Variants in KIR2DL3 observed in about 807,000 individuals in gnomAD.
KIR2DL3 encodes the protein killer cell immunoglobulin-like receptor 2DL3.
In KIR2DL3, 39 loss-of-function variants were observed where a neutral mutation model predicts 33.8. That is an observed-to-expected ratio of 1.15 (90% confidence interval 0.89 to 1.51). KIR2DL3 has a LOEUF of 1.51. Among genes scored for constraint, KIR2DL3 ranks in the 40% most tolerant of loss-of-function variants. The pLI is 0.00. For synonymous variants in KIR2DL3, 174 were observed against 160.2 expected, an observed-to-expected ratio of 1.09 and a Z score of -0.65; for missense variants, 462 against 426.2, an observed-to-expected ratio of 1.08 and a Z score of -0.74.
intron 2 of KIR2DL3, among the ~76,000 whole-genome samples, chr19:54,741,261 A>G (rs1240600418): frequency 6.6e-6 from 1 of 151,220 alleles, no homozygotes; most frequent in Non-Finnish European, 1.5e-5. Flanking sequence ...AATCACTTGA[A>G]CCCAGGAGAC....
intron 5 of KIR2DL3, among the ~76,000 whole-genome samples, chr19:54,750,598 G>A (rs1275193775): frequency 1.5e-5 from 2 of 136,644 alleles, no homozygotes; most frequent in East Asian, 2.0e-4. Context: ...AAGCACATTC[G>A]CTGTGTATCA....
At position 54,742,222 on chromosome 19, in the gene KIR2DL3, A is replaced by C. The variant is rs766131814; in HGVS notation, c.313A>C (p.Thr105Pro). ...GACCTACAGATGCTACGGTTCTGTT[A>C]CTCACTCCCCCTATCAGTTGTCAGC... ...AGTYRCYGSV[T>P]HSPYQLSAPS... Residue 105 changes from threonine (T) to proline (P), a missense_variant, in exon 3 of 8, where the codon ACT (threonine) becomes CCT (proline). Thr to Pro is a conservative substitution (Grantham distance 38). Transcript: ENST00000342376. 2.6e-5 allele frequency: 42 copies of C among 1,613,850 alleles called. No individual in the cohort carries two copies. Among genetic ancestry groups the C allele is most frequent in the East Asian group, 6.7e-5 (3 of 44,882 alleles).
intron 3 of KIR2DL3, among the ~76,000 whole-genome samples, chr19:54,742,790 C>T (rs1353022572): frequency 2.1e-4 from 32 of 150,862 alleles, no homozygotes; most frequent in African/African-American, 5.4e-4. Flanking sequence ...GAACACCAAC[C>T]CCTGTATGCT....
intron 2 of KIR2DL3, among the ~76,000 whole-genome samples, chr19:54,740,648 G>C (rs1375042753): frequency 6.6e-6 from 1 of 151,966 alleles, no homozygotes; most frequent in South Asian, 2.1e-4. Context: ...CGCAGGCCCT[G>C]ACTGTATTTG....
chr19:54,738,894 G>A (rs2070349779), intron 1 of KIR2DL3, among the ~76,000 whole-genome samples: 1 of 148,610 alleles, frequency 6.7e-6, no homozygotes, highest in African/African-American at 2.5e-5. Context: ...GCCTGGAGTG[G>A]AGATATGGGC....
intron 4 of KIR2DL3, among the ~76,000 whole-genome samples, chr19:54,744,954 ATTT>A (rs71195797): frequency 0.026 from 809 of 30,892 alleles, 10 homozygotes; most frequent in African/African-American, 0.067. Context: ...ATATATATAT[ATTT>A]TTTTTTTTTT....
In KIR2DL3 at chr19:54,742,051, C is replaced by A. The variant is rs143355664; in HGVS notation, c.142C>A (p.Gln48Lys). The A allele has an allele frequency of 1.9e-4, 310 of 1,612,988 alleles. 1 individual carries two copies. The highest frequency in any genetic ancestry group is 2.4e-4 in the Non-Finnish European group (279 of 1,179,424). The change falls in exon 3 of 8, where the codon CAA (glutamine) becomes AAA (lysine). Residue 48 changes from glutamine (Q) to lysine (K), a missense_variant. By Grantham distance (53) the Gln-to-Lys change is moderately conservative. Coordinates refer to ENST00000342376, the MANE Select transcript of KIR2DL3 (RefSeq NM_015868.3). ...LVKSEETVIL[Q>K]CWSDVRFQHF... ...GAAATCAGAAGAGACAGTCATCCTG[C>A]AATGTTGGTCAGATGTCAGGTTTCA...
At chr19:54,748,501 T>C (rs683251) in intron 5 of KIR2DL3, among the ~76,000 whole-genome samples, 66,713 of 123,508 alleles carry the variant, frequency 0.54, 19,838 homozygotes, top group Middle Eastern at 0.67. Flanking sequence ...TGCATTTGGC[T>C]TCTGCCCTTG....
intron 5 of KIR2DL3, among the ~76,000 whole-genome samples, chr19:54,748,832 G>T (rs1422933378): frequency 1.4e-5 from 2 of 148,102 alleles, no homozygotes; most frequent in Non-Finnish European, 3.0e-5. Flanking sequence ...TCACCACGTT[G>T]GCCAAGCTTG....
At chr19:54,740,593 T>C (rs1168213141) in intron 2 of KIR2DL3, among the ~76,000 whole-genome samples, 1 of 151,596 alleles carries the variant, frequency 6.6e-6, no homozygotes, top group Non-Finnish European at 1.5e-5. Flanking sequence ...TCCCACCTCC[T>C]GAATCCCAGA....
rs572220552 is a variant in KIR2DL3 at position 54,740,352 on chromosome 19, T to G, written c.70+810T>G. 5.7e-3 allele frequency among the ~76,000 whole-genome samples: 870 copies of G among 152,094 alleles called. 9 individuals carry two copies. The highest frequency in any genetic ancestry group is 5.3e-3 in the Non-Finnish European group (360 of 67,984). On this transcript the variant is annotated intron_variant, in intron 2 of 7. Coordinates refer to ENST00000342376, the MANE Select transcript of KIR2DL3 (RefSeq NM_015868.3). The stretch of plus-strand genomic sequence containing the variant: ...ATGTCATTCTTCGGTGTCACTCTTA[T>G]CTTGGGTTTAACAACTTCAGTCTGT...
intron 2 of KIR2DL3, among the ~76,000 whole-genome samples, chr19:54,741,377 G>T (rs1171435419): frequency 4.0e-5 from 6 of 151,812 alleles, no homozygotes; most frequent in Admixed American, 6.6e-5. Context: ...CAAACAAGGA[G>T]AAGGTTGGCT....
In KIR2DL3 at chr19:54,738,553, T is replaced by A. The variant is rs1245626370; in HGVS notation, c.8T>A (p.Leu3His). The change falls in exon 1 of 8, where the codon CTC becomes CAC. Residue 3 changes from leucine (L) to histidine (H), a missense_variant. Transcript: ENST00000342376. The stretch of plus-strand genomic sequence containing the variant: ...GTCTGCACAGACAGCACCATGTCGC[T>A]CATGGTCGTCAGCATGGTGTGTGTT... MS[L>H]MVVSMVCVGF... The A allele has an allele frequency of 6.2e-7, 1 of 1,614,176 alleles. No individual in the cohort carries two copies. The highest frequency in any genetic ancestry group is 1.3e-5 in the African/African-American group (1 of 75,066).
chr19:54,748,560 A>C (rs1225865851), intron 5 of KIR2DL3, among the ~76,000 whole-genome samples: 144 of 148,734 alleles, frequency 9.7e-4, no homozygotes, highest in African/African-American at 3.1e-3. Context: ...AAATGAATGC[A>C]CAAGTGGATC....
intron 3 of KIR2DL3, 96 bp downstream of exon 3, chr19:54,742,375 T>A (rs1214209005): frequency 2.6e-6 from 4 of 1,524,226 alleles, no homozygotes; most frequent in Non-Finnish European, 3.6e-6. Context: ...ATGAGCTTGG[T>A]ATTCTTATGG....
At chr19:54,746,754 G>A (rs142188404) in intron 4 of KIR2DL3, among the ~76,000 whole-genome samples, 13 of 138,858 alleles carry the variant, frequency 9.4e-5, no homozygotes, top group Middle Eastern at 3.8e-3. Context: ...AGCCCAAGGC[G>A]GGTGGATCAC....
chr19:54,740,399 T>G (rs1259030650), intron 2 of KIR2DL3, among the ~76,000 whole-genome samples: 1 of 151,868 alleles, frequency 6.6e-6, no homozygotes, highest in East Asian at 1.9e-4. Context: ...GGGGTGCCTG[T>G]CCCTGAGCTC....
chr19:54,741,659 T>G (rs574327520), intron 2 of KIR2DL3, among the ~76,000 whole-genome samples: 17 of 151,992 alleles, frequency 1.1e-4, no homozygotes, highest in Admixed American at 6.6e-4. Context: ...AGCCTGGATG[T>G]GCAGCCTATC....
At chr19:54,738,807 C>T (rs1328640558) in intron 1 of KIR2DL3, among the ~76,000 whole-genome samples, 1 of 138,712 alleles carries the variant, frequency 7.2e-6, no homozygotes, top group Non-Finnish European at 1.5e-5. Context: ...GAGACATGGG[C>T]CTGGAGATGG....
Sources: allele counts gnomAD v4.1 joint callset (sites outside exome capture counted in the v4.1 genomes callset), GRCh38; gene constraint gnomAD v4.1.1; transcripts MANE v1.5; gene names NCBI Gene and HGNC (gene_info 2026-07-23, HGNC 2026-07-21).